The following CDH18 variants were observed in gnomAD, a reference collection of about 807,000 sequenced individuals.
CDH18 encodes the protein cadherin 18, also known as cadherin-18.
In CDH18, 31 loss-of-function variants were observed where a neutral mutation model predicts 67.9. That is an observed-to-expected ratio of 0.46 (90% confidence interval 0.34 to 0.62). The LOEUF is 0.62. Among genes scored for constraint, CDH18 ranks in the 20% least tolerant of loss-of-function variants. The pLI is 0.01. For synonymous variants in CDH18, 362 were observed against 347.2 expected, an observed-to-expected ratio of 1.04 and a Z score of -0.48; for missense variants, 890 against 975.5, an observed-to-expected ratio of 0.91 and a Z score of 1.17.
intron 1 of CDH18, among the ~76,000 whole-genome samples, chr5:20,520,430 C>T (rs186457815): frequency 2.0e-5 from 3 of 151,836 alleles, no homozygotes; most frequent in Non-Finnish European, 4.4e-5. Flanking sequence ...GATGTAGAGG[C>T]CAGACTCTTT....
intron 2 of CDH18, among the ~76,000 whole-genome samples, chr5:20,019,680 T>C (rs1300842841): frequency 6.6e-6 from 1 of 152,158 alleles, no homozygotes; most frequent in Non-Finnish European, 1.5e-5. Context: ...GAACTGTAAG[T>C]CAATTAAAAC....
intron 3 of CDH18, among the ~76,000 whole-genome samples, chr5:19,819,631 C>T (rs181329339): frequency 5.0e-4 from 76 of 152,244 alleles, no homozygotes; most frequent in Admixed American, 7.2e-4. Flanking sequence ...ATGAACCCCA[C>T]AGATATTTGA....
intron 2 of CDH18, among the ~76,000 whole-genome samples, chr5:20,081,431 G>A (rs1016854472): frequency 2.6e-5 from 4 of 152,078 alleles, no homozygotes; most frequent in African/African-American, 9.7e-5. Flanking sequence ...ATTCAACCCA[G>A]CAATCCCTTT....
chr5:19,766,260 GT>G (rs1773082038), intron 3 of CDH18, among the ~76,000 whole-genome samples: 2 of 152,170 alleles, frequency 1.3e-5, no homozygotes, highest in African/African-American at 2.4e-5. Flanking sequence ...ATGTATCAGA[GT>G]AAGAAGCTGG....
chr5:20,058,580 T>C (rs1360406439), intron 2 of CDH18, among the ~76,000 whole-genome samples: 2 of 152,178 alleles, frequency 1.3e-5, no homozygotes, highest in Non-Finnish European at 2.9e-5. Flanking sequence ...AACATCATTC[T>C]ACAGTACTAT....
intron 1 of CDH18, among the ~76,000 whole-genome samples, chr5:20,301,823 T>C (rs1735964399): frequency 7.3e-6 from 1 of 136,708 alleles, no homozygotes; most frequent in Admixed American, 8.6e-5. Flanking sequence ...GCAGCACATA[T>C]AAAATGTGAT....
chr5:20,076,900 T>C (rs1455625694), intron 2 of CDH18, among the ~76,000 whole-genome samples: 1 of 152,180 alleles, frequency 6.6e-6, no homozygotes, highest in Non-Finnish European at 1.5e-5. Flanking sequence ...AATATATGGA[T>C]TGCCAGTTTT....
At chr5:20,163,993 A>G (rs1736091253) in intron 2 of CDH18, among the ~76,000 whole-genome samples, 1 of 152,172 alleles carries the variant, frequency 6.6e-6, no homozygotes, top group Non-Finnish European at 1.5e-5. Flanking sequence ...AGAGATTCAC[A>G]CATATTGATC....
intron 5 of CDH18, among the ~76,000 whole-genome samples, chr5:19,713,791 C>A (rs541878951): frequency 6.6e-6 from 1 of 152,176 alleles, no homozygotes; most frequent in African/African-American, 2.4e-5. Flanking sequence ...TCATTTAAAT[C>A]AGTGTGAAAA....
intron 6 of CDH18, among the ~76,000 whole-genome samples, chr5:19,594,720 A>G (rs1433605234): frequency 1.3e-5 from 2 of 152,118 alleles, no homozygotes; most frequent in Non-Finnish European, 1.5e-5. Context: ...ATATTTTAGA[A>G]TTGTTCTTTG....
chr5:19,564,979 G>A (rs971703488), intron 8 of CDH18, among the ~76,000 whole-genome samples: 1 of 151,764 alleles, frequency 6.6e-6, no homozygotes, highest in Non-Finnish European at 1.5e-5. Flanking sequence ...GGGAAGAGCG[G>A]GAAGAACTTT....
intron 2 of CDH18, among the ~76,000 whole-genome samples, chr5:20,016,963 T>C (rs1310555837): frequency 1.3e-5 from 2 of 152,144 alleles, no homozygotes; most frequent in African/African-American, 4.8e-5. Context: ...GTTTTCAATT[T>C]CTCATGGTTC....
At chr5:20,340,293 A>G (rs1414139249) in intron 1 of CDH18, among the ~76,000 whole-genome samples, 3 of 152,200 alleles carry the variant, frequency 2.0e-5, no homozygotes, top group African/African-American at 7.2e-5. Flanking sequence ...ATAGGACCAG[A>G]TAACACCTTA....
intron 2 of CDH18, among the ~76,000 whole-genome samples, chr5:20,242,622 A>ATACATATATATATATACATG: frequency 9.3e-6 from 1 of 106,968 alleles, no homozygotes; most frequent in Non-Finnish European, 1.8e-5. Context: ...ATATATATAT[A>ATACATATATATATATACATG]TATATATATA....
intron 1 of CDH18, among the ~76,000 whole-genome samples, chr5:20,543,314 T>C (rs1757158201): frequency 6.6e-6 from 1 of 152,098 alleles, no homozygotes; most frequent in South Asian, 2.1e-4. Context: ...TTTTCTATTT[T>C]TTCTCATAAT....
At chr5:20,165,849 CTATT>C (rs1315300491) in intron 2 of CDH18, among the ~76,000 whole-genome samples, 5 of 152,030 alleles carry the variant, frequency 3.3e-5, no homozygotes, top group African/African-American at 9.7e-5. Context: ...TGAGATGAAA[CTATT>C]TATAATAAAA....
At chr5:20,454,845 C>T (rs1425279087) in intron 1 of CDH18, among the ~76,000 whole-genome samples, 6 of 152,078 alleles carry the variant, frequency 3.9e-5, no homozygotes, top group Admixed American at 6.6e-5. Context: ...GTGAAATTCA[C>T]TGCCGTTATA....
intron 1 of CDH18, among the ~76,000 whole-genome samples, chr5:20,285,380 CATATAATATAATATAATATA>C (rs55913504): frequency 0.018 from 2,528 of 140,374 alleles, 38 homozygotes; most frequent in South Asian, 0.031. Flanking sequence ...GTAATATGGC[CATATAATATAATATAATATA>C]ATATAATATA....
At chr5:19,523,850 T>A (rs1747320307) in intron 9 of CDH18, among the ~76,000 whole-genome samples, 1 of 151,914 alleles carries the variant, frequency 6.6e-6, no homozygotes, top group Admixed American at 6.6e-5. Flanking sequence ...AATAGGAAAA[T>A]AAAAATATTC....
Sources: gnomAD v4.1 joint callset for allele counts (sites outside exome capture counted in the v4.1 genomes callset) on GRCh38, gnomAD v4.1.1 for gene constraint, MANE v1.5 for transcripts, NCBI Gene and HGNC (gene_info 2026-07-23, HGNC 2026-07-21) for gene names.